Variants in ARHGEF6 observed in about 807,000 individuals in gnomAD.
ARHGEF6 encodes Rac/Cdc42 guanine nucleotide exchange factor 6.
A neutral mutation model predicts 70.3 loss-of-function variants in ARHGEF6; 9 were observed. The ratio of observed to expected loss-of-function variants is 0.13; its 90% CI spans 0.08 to 0.22. The LOEUF (loss-of-function observed/expected upper bound fraction) is 0.22. Ranked by LOEUF, ARHGEF6 falls within the 10% of genes least tolerant of loss-of-function variation. The pLI is 1.00. For synonymous variants in ARHGEF6, 201 were observed against 207.8 expected, an observed-to-expected ratio of 0.97 and a Z score of 0.28; for missense variants, 470 against 563.0, an observed-to-expected ratio of 0.83 and a Z score of 1.67.
rs745743556 is a variant in ARHGEF6 at position 136,759,693 on chromosome X, T to C, written c.250-12101A>G. On this transcript the variant is annotated intron_variant, in intron 2 of 21. Coordinates refer to ENST00000250617, the MANE Select transcript of ARHGEF6 (RefSeq NM_004840.3). ...TCCAAGAAGTAGGGAAACATCTTTG[T>C]TATTGTTGAGGGTGAGACAAGTCCT... Among the ~76,000 whole-genome samples, 5 of 110,803 alleles carry C rather than the reference T, an allele frequency of 4.5e-5. No individual in the cohort carries two copies. The East Asian group carries it at 1.4e-3, about 31-fold the overall frequency.
chrX:136,735,504 C>T (rs765971721), intron 5 of ARHGEF6, among the ~76,000 whole-genome samples: 2 of 111,027 alleles, frequency 1.8e-5, no homozygotes, highest in Non-Finnish European at 3.8e-5. Flanking sequence ...CTAACTAGAA[C>T]GAACATGAAA....
rs112764581 is a variant in ARHGEF6, at chrX:136,693,583, T to C, written c.1047-2835A>G. Among the ~76,000 whole-genome samples the C allele has an allele frequency of 3.0e-3, 341 of 112,281 alleles. 2 individuals are homozygous for C. The highest frequency in any genetic ancestry group is 0.011 in the African/African-American group (330 of 30,906). The stretch of plus-strand genomic sequence containing the variant: ...CTTAAAATGTTCTGTATATGTGACA[T>C]GATACAATAGAAGCAGTTCTCAGTG... On this transcript the variant is annotated intron_variant, in intron 9 of 21. Transcript: ENST00000250617.
At position 136,685,682 on chromosome X, in the gene ARHGEF6, A is replaced by G. The variant is rs757760891; in HGVS notation, c.1387T>C (p.Cys463Arg). 26 of 1,207,023 alleles carry G rather than the reference A, an allele frequency of 2.2e-5. No individual in the cohort carries two copies. Among genetic ancestry groups the G allele is most frequent in the Non-Finnish European group, 2.6e-5 (23 of 893,775 alleles). ...TGAGATTTGAAATACCTTACCTCAC[A>G]TGCTCCATACTGCACCATTACTTGT... The part of the protein sequence containing the change: ...MSQVMVQYGA[C>R]EEKEERYLML... Residue 463 changes from cysteine to arginine, a missense_variant, in exon 12 of 22, where the codon TGT (cysteine) becomes CGT (arginine). Cys to Arg is a radical substitution (Grantham distance 180). Transcript: ENST00000250617.
At chrX:136,705,798 A>G (rs1352658376) in intron 9 of ARHGEF6, among the ~76,000 whole-genome samples, 1 of 112,356 alleles carries the variant, frequency 8.9e-6, no homozygotes, top group East Asian at 2.8e-4. Context: ...ACTGCGTTCA[A>G]CCTTTAAAAT....
At chrX:136,761,618 G>A (rs1265213894) in intron 2 of ARHGEF6, among the ~76,000 whole-genome samples, 4 of 112,300 alleles carry the variant, frequency 3.6e-5, no homozygotes. Context: ...GGAGAACAGA[G>A]GCCAAGTATG....
rs776336229 is a variant in ARHGEF6, at chrX:136,713,358, T to C, written c.745A>G (p.Ile249Val). ...GCATATTCTTTTTCAGTGTCCAGGATGTTCTGTAACACCTATGGAAAAAAA... is the reference window on the plus strand; with the variant it reads ...GCATATTCTTTTTCAGTGTCCAGGACGTTCTGTAACACCTATGGAAAAAAA... ...KNYYTVVLQN[I>V]LDTEKEYAKE... Residue 249 changes from isoleucine (I) to valine (V), a missense_variant, in exon 7 of 22, where the codon ATC becomes GTC. This residue lies in a region of ARHGEF6 where 379 missense variants were observed against 449.3 expected (regional missense o/e 0.84). Coordinates refer to ENST00000250617, the MANE Select transcript of ARHGEF6 (RefSeq NM_004840.3). 8.3e-7 allele frequency: 1 copy of C among 1,198,837 alleles called. No individual in the cohort carries two copies. Among genetic ancestry groups the C allele is most frequent in the Non-Finnish European group, 1.1e-6 (1 of 886,007 alleles).
In ARHGEF6 at chrX:136,778,166, G is replaced by A. The variant is rs765059698; in HGVS notation, c.249+1248C>T. 3.3e-3 allele frequency among the ~76,000 whole-genome samples: 372 copies of A among 111,369 alleles called. 1 individual carries two copies. The highest frequency in any genetic ancestry group is 0.012 in the African/African-American group (358 of 30,589). ...ATAATATTTTTTAAAAAGGTCACACGAGTCCTATGAATTCGGTGCCACTAT... is the reference window on the plus strand; with the variant it reads ...ATAATATTTTTTAAAAAGGTCACACAAGTCCTATGAATTCGGTGCCACTAT... On this transcript the variant is annotated intron_variant, in intron 2 of 21. Coordinates refer to ENST00000250617, the MANE Select transcript of ARHGEF6 (RefSeq NM_004840.3).
chrX:136,742,320 A>AAAC (rs1265279802), intron 5 of ARHGEF6, among the ~76,000 whole-genome samples: 2 of 111,511 alleles, frequency 1.8e-5, no homozygotes, highest in African/African-American at 6.5e-5. Flanking sequence ...CTCCGTCTCA[A>AAAC]AACAACAACA....
chrX:136,738,793 A>G (rs1158411416), intron 5 of ARHGEF6, among the ~76,000 whole-genome samples: 1 of 112,294 alleles, frequency 8.9e-6, no homozygotes, highest in Non-Finnish European at 1.9e-5. Context: ...TAGACTTGGT[A>G]TTGTTCTCAT....
At position 136,682,928 on chromosome X, in the gene ARHGEF6, A is replaced by T. The variant is rs750446401; in HGVS notation, c.1393-84T>A. 3.9e-4 allele frequency: 288 copies of T among 737,417 alleles called. 1 individual carries two copies. In the South Asian group the frequency reaches 6.1e-3, roughly 16 times the overall value. 60.8% of individuals were successfully genotyped at this position (737,417 alleles called of 1,213,427 possible). On this transcript the variant is annotated intron_variant, in intron 12 of 21. Coordinates refer to ENST00000250617, the MANE Select transcript of ARHGEF6 (RefSeq NM_004840.3). ...ATTTCTGGAATCACTGCCTTATAAC[A>T]TAGACCTTATATAAACAACTGAAAC...
At chrX:136,749,726 A>T (rs1442976684) in intron 2 of ARHGEF6, among the ~76,000 whole-genome samples, 3 of 111,218 alleles carry the variant, frequency 2.7e-5, no homozygotes, top group Non-Finnish European at 5.7e-5. Context: ...ACCCCAATAT[A>T]CTCAAGTTTA....
chrX:136,685,568 C>T (rs1320561175), intron 12 of ARHGEF6, 109 bp downstream of exon 12: 2 of 936,347 alleles, frequency 2.1e-6, no homozygotes, highest in Admixed American at 2.6e-5. Context: ...GATGGCACCA[C>T]TGCACTCCAG....
chrX:136,745,222 C>T lies in ARHGEF6; in HGVS notation c.459+1G>A. On this transcript the variant is annotated splice_donor_variant, in intron 4 of 21. Coordinates refer to ENST00000250617, the MANE Select transcript of ARHGEF6 (RefSeq NM_004840.3). LOFTEE classifies it high-confidence loss of function. ...GACGGAGAATTGGGGACTATACTTA[C>T]CACTGTCTTTGACTGCCTTTGCAGC... is the stretch of plus-strand genomic sequence containing the variant. 1 of 1,211,767 alleles carries T rather than the reference C, an allele frequency of 8.3e-7. No individual in the cohort carries two copies. Among genetic ancestry groups the T allele is most frequent in the Non-Finnish European group, 1.1e-6 (1 of 895,400 alleles).
At chrX:136,727,887 G>A (rs768972105) in intron 6 of ARHGEF6, among the ~76,000 whole-genome samples, 3 of 109,148 alleles carry the variant, frequency 2.7e-5, no homozygotes, top group Non-Finnish European at 5.7e-5. Context: ...GATCCCAACC[G>A]CATTTTGAAA....
At chrX:136,713,487 A>T (rs2076708235) in intron 6 of ARHGEF6, 117 bp from the exon 7 acceptor site, 1 of 523,162 alleles carries the variant, frequency 1.9e-6, no homozygotes, top group Admixed American at 3.1e-5. Flanking sequence ...TCAGGCTACC[A>T]TTGCAAGCAA....
chrX:136,761,139 T>C, intron 2 of ARHGEF6, among the ~76,000 whole-genome samples: 1 of 112,304 alleles, frequency 8.9e-6, no homozygotes. Flanking sequence ...AGTTCCTCTT[T>C]ACAACTGGAT....
In ARHGEF6 at chrX:136,680,776, G is replaced by C. The variant is rs754014585; in HGVS notation, c.1659C>G (p.Cys553Trp). The change falls in exon 15 of 22, where the codon TGC becomes TGG. Residue 553 changes from cysteine to tryptophan, a missense_variant. Transcript: ENST00000250617. Reference sequence around the variant, plus strand: ...ACGATGAGGTTTTGGATAATGAACTGCAAGAGGCAGGTCCTCTGATCAGTC... The same window carrying C: ...ACGATGAGGTTTTGGATAATGAACTCCAAGAGGCAGGTCCTCTGATCAGTC... ...LNRLIRGPAS[C>W]SSLSKTSSSS... 1.7e-6 allele frequency: 2 copies of C among 1,211,252 alleles called. No homozygotes were observed. Among genetic ancestry groups the C allele is most frequent in the Non-Finnish European group, 1.1e-6 (1 of 894,957 alleles).
intron 6 of ARHGEF6, among the ~76,000 whole-genome samples, chrX:136,727,378 TTTC>T (rs2076872775): frequency 1.4e-5 from 1 of 71,899 alleles, no homozygotes; most frequent in African/African-American, 5.8e-5. Context: ...TCTTTCTTTC[TTTC>T]TTTCTTTCTT....
intron 2 of ARHGEF6, 91 bp from the exon 3 acceptor site, chrX:136,747,683 GGA>G: frequency 2.2e-5 from 4 of 179,015 alleles, no homozygotes; most frequent in Non-Finnish European, 3.9e-5. Flanking sequence ...CCAGCTCTCC[GGA>G]AAAAAAAAAA....
Sources: allele counts gnomAD v4.1 joint callset (sites outside exome capture counted in the v4.1 genomes callset), GRCh38; gene constraint gnomAD v4.1.1; regional missense constraint gnomAD v4.1.1; transcripts MANE v1.5; gene names NCBI Gene and HGNC (gene_info 2026-07-23, HGNC 2026-07-21).